Variants in BCAS3 observed in about 807,000 individuals in gnomAD.
The protein encoded by BCAS3 is BCAS4/BCAS3 fusion.
In BCAS3, 53 loss-of-function variants were observed where a neutral mutation model predicts 116.1. That is an observed-to-expected ratio of 0.46 (90% CI 0.37 to 0.57). The LOEUF (loss-of-function observed/expected upper bound fraction) is 0.57, where lower values mean the gene tolerates loss of function less well. BCAS3 is among the 20% of genes least tolerant of loss of function. The probability of loss-of-function intolerance (pLI) is 0.00; values close to 1 mark genes in which losing one functional copy is unlikely to be tolerated. For synonymous variants in BCAS3, 391 were observed against 408.2 expected, an observed-to-expected ratio of 0.96 and a Z score of 0.51; for missense variants, 917 against 1,165.4, an observed-to-expected ratio of 0.79 and a Z score of 3.10.
At chr17:61,263,273 G>A (rs1172730679) in intron 22 of BCAS3, among the ~76,000 whole-genome samples, 1 of 152,246 alleles carries the variant, frequency 6.6e-6, no homozygotes, top group African/African-American at 2.4e-5. Flanking sequence ...GAAGCTGCAA[G>A]CAGATGGAAC....
At chr17:60,858,196 T>C (rs918440333) in intron 7 of BCAS3, among the ~76,000 whole-genome samples, 1 of 152,200 alleles carries the variant, frequency 6.6e-6, no homozygotes, top group Non-Finnish European at 1.5e-5. Context: ...AAGTTCAGGC[T>C]TATACAAGAT....
chr17:61,386,037 G>A (rs910603106), intron 23 of BCAS3, among the ~76,000 whole-genome samples: 9 of 152,200 alleles, frequency 5.9e-5, no homozygotes. Context: ...TGACTAATCC[G>A]ATTGCAGCAA....
intron 6 of BCAS3, among the ~76,000 whole-genome samples, chr17:60,799,735 T>TTTTTTATA (rs1429156594): frequency 9.9e-6 from 1 of 100,566 alleles, no homozygotes; most frequent in African/African-American, 3.5e-5. Context: ...TTTTTTTTTT[T>TTTTTTATA]AGTAGAACTG....
intron 22 of BCAS3, among the ~76,000 whole-genome samples, chr17:61,280,643 A>C (rs1425028818): frequency 6.6e-6 from 1 of 152,232 alleles, no homozygotes; most frequent in Non-Finnish European, 1.5e-5. Context: ...AAATAATGAA[A>C]GTAAAAGCTT....
At chr17:61,299,442 C>CAAAAAAAAAAAA (rs538072648) in intron 22 of BCAS3, among the ~76,000 whole-genome samples, 183 of 56,852 alleles carry the variant, frequency 3.2e-3, no homozygotes, top group Middle Eastern at 0.01. Context: ...GACTCCATCT[C>CAAAAAAAAAAAA]AAAAAAAAAA....
intron 22 of BCAS3, among the ~76,000 whole-genome samples, chr17:61,360,816 C>T (rs1435289553): frequency 1.3e-5 from 2 of 152,156 alleles, no homozygotes; most frequent in African/African-American, 4.8e-5. Flanking sequence ...ACCATTCTAC[C>T]CATTGCAGTG....
intron 14 of BCAS3, among the ~76,000 whole-genome samples, chr17:60,973,258 G>T (rs753547057): frequency 1.3e-4 from 20 of 152,194 alleles, no homozygotes; most frequent in Non-Finnish European, 2.5e-4. Flanking sequence ...GGCACCATCA[G>T]TGATGTTAAT....
At chr17:60,748,992 G>C (rs533978935) in intron 6 of BCAS3, 6 of 152,208 alleles carry the variant, frequency 3.9e-5, no homozygotes, top group Non-Finnish European at 8.8e-5. Flanking sequence ...AGAACAAGGA[G>C]TTCCATCAGT....
At chr17:61,306,162 G>A (rs532782752) in intron 22 of BCAS3, among the ~76,000 whole-genome samples, 188 of 152,348 alleles carry the variant, frequency 1.2e-3, no homozygotes, top group African/African-American at 3.8e-3. Flanking sequence ...TGGAAAAGCA[G>A]TGCAGTGTGA....
chr17:61,339,623 G>A lies in BCAS3; in HGVS notation c.2426-28704G>A, dbSNP rs148118153. 0.012 allele frequency among the ~76,000 whole-genome samples: 1,775 copies of A among 152,160 alleles called. 41 individuals carry two copies. The highest frequency in any genetic ancestry group is 0.041 in the African/African-American group (1,692 of 41,534). On this transcript the variant is annotated intron_variant, in intron 22 of 23. Coordinates refer to ENST00000407086, the MANE Select transcript of BCAS3 (RefSeq NM_017679.5). This position sits in a 1 kb window ranked among gnomAD's most constrained non-coding sequence, Gnocchi z 4.4. ...TCTACTAAGAATACAAAAATTAGCC[G>A]GGCGTGGTGGTGCCCATCTGTAATC...
At position 60,759,693 on chromosome 17, in the gene BCAS3, C is replaced by A. The variant is rs147979349; in HGVS notation, c.403+12414C>A. Among the ~76,000 whole-genome samples the A allele has an allele frequency of 4.6e-3, 692 of 148,876 alleles. 15 individuals are homozygous for A. Among genetic ancestry groups the A allele is most frequent in the Admixed American group, 0.032 (474 of 14,844 alleles). ...TTTTGTTTATTTTTACAGATAAGGTCTCACTGTGTCACCTGGGCTGAAGTG... is the reference window on the plus strand; with the variant it reads ...TTTTGTTTATTTTTACAGATAAGGTATCACTGTGTCACCTGGGCTGAAGTG... On this transcript the variant is annotated intron_variant, in intron 6 of 23. Coordinates refer to ENST00000407086, the MANE Select transcript of BCAS3 (RefSeq NM_017679.5).
At chr17:60,884,422 G>GT (rs1389713665) in intron 9 of BCAS3, among the ~76,000 whole-genome samples, 1 of 96,994 alleles carries the variant, frequency 1.0e-5, no homozygotes, top group Non-Finnish European at 2.0e-5. Context: ...TTTTTGAAGG[G>GT]TTTTTTGTGT....
intron 22 of BCAS3, among the ~76,000 whole-genome samples, chr17:61,099,045 A>T (rs2074152076): frequency 6.6e-6 from 1 of 152,102 alleles, no homozygotes; most frequent in Non-Finnish European, 1.5e-5. Context: ...AATGTCATGA[A>T]CCTGGGAGGC....
rs1051386101 is a variant in BCAS3, at chr17:61,285,420, A to G, written c.2426-82907A>G. On this transcript the variant is annotated intron_variant, in intron 22 of 23. Coordinates refer to ENST00000407086, the MANE Select transcript of BCAS3 (RefSeq NM_017679.5). The surrounding 1 kb of genome is among the most constrained non-coding windows in gnomAD (Gnocchi z 5.4). ...CAGATTTTCAACAGGTGTCAGTTAC[A>G]CTTTACCTGGCCCTAAAGTGAAAAG... Among the ~76,000 whole-genome samples the G allele has an allele frequency of 1.4e-5, 2 of 140,258 alleles. No homozygotes were observed. The highest frequency in any genetic ancestry group is 3.3e-5 in the Non-Finnish European group (2 of 61,384). The allele number at this position is 140,258 out of a possible 152,430, so 92.0% of individuals were successfully genotyped here.
chr17:60,945,114 A>C (rs547482783), intron 13 of BCAS3, among the ~76,000 whole-genome samples: 26 of 152,234 alleles, frequency 1.7e-4, no homozygotes, highest in Non-Finnish European at 2.6e-4. Context: ...TACATTGTCA[A>C]GATAAAAAAT....
chr17:61,150,860 G>A (rs116067824), intron 22 of BCAS3, among the ~76,000 whole-genome samples: 9 of 152,188 alleles, frequency 5.9e-5, no homozygotes, highest in African/African-American at 9.6e-5. Context: ...TCATCATTTC[G>A]TTTCTCACTT....
Position 60,960,601 on chromosome 17 carries a change from G to A in BCAS3, c.1221+13249G>A, listed in dbSNP as rs2061365157. On this transcript the variant is annotated intron_variant, in intron 14 of 23. Transcript: ENST00000407086. This position sits in a 1 kb window ranked among gnomAD's most constrained non-coding sequence, Gnocchi z 4.1. Reference sequence around the variant, plus strand: ...CTGCGGCTTCATTTTCTGGGCCTGTGGCTCTGCCCATTCCTGCCTTTGTAC... The same window carrying A: ...CTGCGGCTTCATTTTCTGGGCCTGTAGCTCTGCCCATTCCTGCCTTTGTAC... Among the ~76,000 whole-genome samples the A allele has an allele frequency of 1.3e-5, 2 of 152,094 alleles. No homozygotes were observed. The highest frequency in any genetic ancestry group is 2.4e-5 in the African/African-American group (1 of 41,412).
At chr17:60,710,777 C>T (rs892291646) in intron 5 of BCAS3, among the ~76,000 whole-genome samples, 1 of 150,378 alleles carries the variant, frequency 6.6e-6, no homozygotes, top group African/African-American at 2.5e-5. Flanking sequence ...TAAGTCACTT[C>T]TGATGAAGTT....
intron 22 of BCAS3, among the ~76,000 whole-genome samples, chr17:61,298,825 A>AT (rs1568788631): frequency 8.4e-5 from 10 of 119,692 alleles, no homozygotes; most frequent in African/African-American, 3.2e-4. Context: ...TTTATTTATT[A>AT]TTATTATTAT....
Sources: allele counts gnomAD v4.1 joint callset (sites outside exome capture counted in the v4.1 genomes callset), GRCh38; gene constraint gnomAD v4.1.1; non-coding constraint Gnocchi (gnomAD v3.1); transcripts MANE v1.5; gene names NCBI Gene and HGNC (gene_info 2026-07-23, HGNC 2026-07-21).